SLC39A11: variants seen among roughly 807,000 people sequenced by gnomAD.
The protein encoded by SLC39A11 is zinc transporter ZIP11.
In SLC39A11, 33 loss-of-function variants were observed where a neutral mutation model predicts 36.1. The ratio of observed to expected loss-of-function variants is 0.91; its 90% CI spans 0.69 to 1.22. The LOEUF (loss-of-function observed/expected upper bound fraction) is 1.22. Ranked by LOEUF, SLC39A11 falls within the 50% of genes most tolerant of loss-of-function variation. The pLI, the probability that SLC39A11 is intolerant of heterozygous loss-of-function variation, is 0.00. For missense variants in SLC39A11, 432 were observed against 430.3 expected (o/e 1.00, Z -0.03); for synonymous variants, 166 against 170.3 (o/e 0.97, Z 0.20).
chr17:72,770,605 T>C (rs1213157542), intron 6 of SLC39A11, among the ~76,000 whole-genome samples: 1 of 152,182 alleles, frequency 6.6e-6, no homozygotes, highest in Non-Finnish European at 1.5e-5. Flanking sequence ...CCTTGGTCCT[T>C]CTCAGGTCTT....
chr17:72,976,524 G>A (rs1173171966), intron 4 of SLC39A11, among the ~76,000 whole-genome samples: 1 of 152,196 alleles, frequency 6.6e-6, no homozygotes, highest in Non-Finnish European at 1.5e-5. Context: ...ATGACACCGA[G>A]GGGGAAAATC....
chr17:72,950,281 T>C (rs566835749), intron 4 of SLC39A11, among the ~76,000 whole-genome samples: 1 of 152,330 alleles, frequency 6.6e-6, no homozygotes, highest in East Asian at 1.9e-4. Context: ...GCTACCCTTG[T>C]ACAAGTTTTC....
chr17:72,722,985 G>A (rs192637010), intron 7 of SLC39A11, among the ~76,000 whole-genome samples: 3 of 152,238 alleles, frequency 2.0e-5, no homozygotes, highest in East Asian at 1.9e-4. Flanking sequence ...TGACCATGGC[G>A]GTCTACGATT....
chr17:73,019,197 A>T (rs1485226827), intron 4 of SLC39A11, among the ~76,000 whole-genome samples: 1 of 152,214 alleles, frequency 6.6e-6, no homozygotes, highest in African/African-American at 2.4e-5. Flanking sequence ...AGTTCTCCAG[A>T]TGGAAGAAAA....
chr17:72,788,598 G>C (rs1185253527), intron 6 of SLC39A11, among the ~76,000 whole-genome samples: 1 of 152,246 alleles, frequency 6.6e-6, no homozygotes, highest in East Asian at 1.9e-4. Context: ...CTCCAGAAAA[G>C]GGAGTATAAG....
At chr17:72,740,975 T>C (rs1179769917) in intron 6 of SLC39A11, among the ~76,000 whole-genome samples, 1 of 152,042 alleles carries the variant, frequency 6.6e-6, no homozygotes, top group Non-Finnish European at 1.5e-5. Flanking sequence ...GGTTTCTCCA[T>C]ATTGCTCAGG....
At chr17:72,717,345 C>G (rs754213079) in intron 7 of SLC39A11, among the ~76,000 whole-genome samples, 23 of 151,996 alleles carry the variant, frequency 1.5e-4, no homozygotes, top group Non-Finnish European at 2.9e-4. Context: ...GATGAAGTAC[C>G]ACAGGGATTT....
chr17:72,799,284 C>T (rs540495400), intron 6 of SLC39A11, among the ~76,000 whole-genome samples: 4 of 152,140 alleles, frequency 2.6e-5, no homozygotes, highest in African/African-American at 4.8e-5. Flanking sequence ...TATGTCACCT[C>T]GGGACCACTG....
intron 4 of SLC39A11, among the ~76,000 whole-genome samples, chr17:72,959,008 T>G (rs2086426318): frequency 6.6e-6 from 1 of 151,636 alleles, no homozygotes; most frequent in Non-Finnish European, 1.5e-5. Flanking sequence ...TAAAAAAAAT[T>G]TTGAAAAGTA....
intron 5 of SLC39A11, among the ~76,000 whole-genome samples, chr17:72,853,941 G>A (rs1170621347): frequency 4.6e-5 from 7 of 152,108 alleles, no homozygotes; most frequent in Non-Finnish European, 7.3e-5. Context: ...CAAGAACCTC[G>A]TGAGGTTTCT....
At chr17:72,978,083 C>A (rs2087996412) in intron 4 of SLC39A11, among the ~76,000 whole-genome samples, 1 of 152,246 alleles carries the variant, frequency 6.6e-6, no homozygotes, top group Non-Finnish European at 1.5e-5. Context: ...CGTCCTCCAG[C>A]CTGCGAACGC....
In SLC39A11 at chr17:72,740,665, A is replaced by C. The variant is rs1231611036; in HGVS notation, c.602-3946T>G. On this transcript the variant is annotated intron_variant, in intron 6 of 9. Transcript: ENST00000255559. Reference sequence around the variant, plus strand: ...ACGATATTGCACTAAACATGACGAAAACTACGTAAGAACTGAGAGAGATCA... The same window carrying C: ...ACGATATTGCACTAAACATGACGAACACTACGTAAGAACTGAGAGAGATCA... Among the ~76,000 whole-genome samples the C allele has an allele frequency of 2.0e-5, 3 of 152,238 alleles. No homozygotes were observed. The East Asian group carries it at 5.8e-4, about 29-fold the overall frequency.
chr17:72,802,518 A>G (rs1244417133), intron 6 of SLC39A11, among the ~76,000 whole-genome samples: 16 of 151,036 alleles, frequency 1.1e-4, no homozygotes, highest in Non-Finnish European at 2.1e-4. Context: ...TGAATCTAGG[A>G]GGCAGAGGTT....
At chr17:72,657,715 G>A (rs982731125) in intron 7 of SLC39A11, among the ~76,000 whole-genome samples, 3 of 152,242 alleles carry the variant, frequency 2.0e-5, no homozygotes, top group African/African-American at 7.2e-5. Flanking sequence ...GAAGTAGTCA[G>A]AAACAGGGTA....
chr17:72,815,934 T>A (rs1336980455), intron 6 of SLC39A11, among the ~76,000 whole-genome samples: 1 of 152,196 alleles, frequency 6.6e-6, no homozygotes, highest in Admixed American at 6.5e-5. Flanking sequence ...AAGTCTGATG[T>A]CCCTAAAAGT....
rs1177777465 is a variant in SLC39A11 at position 72,905,756 on chromosome 17, CTCT to C, written c.430+41993_430+41995del. 5.3e-5 allele frequency among the ~76,000 whole-genome samples: 8 copies of C among 150,882 alleles called. No individual in the cohort carries two copies. The East Asian group carries it at 1.4e-3, about 26-fold the overall frequency. On this transcript the variant is annotated intron_variant, in intron 5 of 9. Transcript: ENST00000255559. ...ACTCCTGGCATGAAGAAGAACTCAA[CTCT>C]TTTTTTTTTTTTGAGACAGAGTCTC...
chr17:72,807,749 A>G (rs2077308174), intron 6 of SLC39A11, among the ~76,000 whole-genome samples: 1 of 152,152 alleles, frequency 6.6e-6, no homozygotes, highest in Admixed American at 6.5e-5. Flanking sequence ...GCTGTTCCTG[A>G]GTTGTATCCT....
At chr17:73,033,785 T>C (rs2058816837) in intron 3 of SLC39A11, among the ~76,000 whole-genome samples, 1 of 152,108 alleles carries the variant, frequency 6.6e-6, no homozygotes, top group Admixed American at 6.6e-5. Context: ...GCATCACCCA[T>C]CTTCAAAATA....
At chr17:73,083,973 G>A (rs553017831) in intron 3 of SLC39A11, among the ~76,000 whole-genome samples, 8 of 152,214 alleles carry the variant, frequency 5.3e-5, no homozygotes, top group Non-Finnish European at 7.4e-5. Flanking sequence ...ATTTACAGGT[G>A]GAATTACATG....
Sources: gnomAD v4.1 joint callset for allele counts (sites outside exome capture counted in the v4.1 genomes callset) on GRCh38, gnomAD v4.1.1 for gene constraint, MANE v1.5 for transcripts, NCBI Gene and HGNC (gene_info 2026-07-23, HGNC 2026-07-21) for gene names.